ERI1: variants seen among roughly 807,000 people sequenced by gnomAD.
ERI1 encodes the protein 3'-5' exoribonuclease 1.
In ERI1, 39 loss-of-function variants were observed where a neutral mutation model predicts 39.7. That is an observed-to-expected ratio of 0.98 (90% CI 0.76 to 1.28). The LOEUF is 1.28. Among genes scored for constraint, ERI1 ranks in the 50% most tolerant of loss-of-function variants. ERI1 has a pLI of 0.00. For missense variants in ERI1, 581 were observed against 416.9 expected, an observed-to-expected ratio of 1.39 and a Z score of -3.43; for synonymous variants, 204 against 149.6, an observed-to-expected ratio of 1.36 and a Z score of -2.65.
At position 9,050,475 on chromosome 8, in the gene ERI1, C is replaced by G. The variant is rs368038385; in HGVS notation, n.299+30011C>G. Among the ~76,000 whole-genome samples, 156 of 150,160 alleles carry G rather than the reference C, an allele frequency of 1.0e-3. 2 individuals are homozygous for G. The Middle Eastern group carries it at 0.014, about 13-fold the overall frequency. ...TGAGCTGAGACGGTGCCATTACACT[C>G]CAGCCTGGGCAACAAGAGTGAAACT... is the stretch of plus-strand genomic sequence containing the variant. On this transcript the variant is annotated intron_variant and non_coding_transcript_variant, in intron 3 of 3. Transcript: ENST00000518663.
At chr8:9,052,088 A>G (rs961788690) in intron 3 of ERI1, among the ~76,000 whole-genome samples, 4 of 152,242 alleles carry the variant, frequency 2.6e-5, no homozygotes, top group African/African-American at 9.6e-5. Context: ...TTAGTGAATA[A>G]TAACCCTTCA....
At chr8:9,041,491 T>C (rs1261798761) in intron 3 of ERI1, among the ~76,000 whole-genome samples, 1 of 152,190 alleles carries the variant, frequency 6.6e-6, no homozygotes, top group Admixed American at 6.5e-5. Context: ...AAACATCTTA[T>C]CTGACTACAA....
At chr8:9,007,516 G>A (rs976599070) in intron 1 of ERI1, among the ~76,000 whole-genome samples, 2 of 152,200 alleles carry the variant, frequency 1.3e-5, no homozygotes, top group African/African-American at 2.4e-5. Flanking sequence ...TACTGTGGGT[G>A]TAGGGGTCTG....
At chr8:9,055,226 A>T (rs944988837) in intron 3 of ERI1, among the ~76,000 whole-genome samples, 2 of 152,218 alleles carry the variant, frequency 1.3e-5, no homozygotes, top group Non-Finnish European at 2.9e-5. Flanking sequence ...ATTTGAATGC[A>T]ATTTAAACAG....
At chr8:9,045,807 G>T (rs1269631405) in intron 3 of ERI1, among the ~76,000 whole-genome samples, 2 of 151,554 alleles carry the variant, frequency 1.3e-5, no homozygotes, top group Non-Finnish European at 1.5e-5. Context: ...CTCCTGAGTA[G>T]CTGGGATTAC....
At position 9,018,426 on chromosome 8, in the gene ERI1, A is replaced by AT. The variant is rs777282278; in HGVS notation, c.692+27dup. Reference sequence around the variant, plus strand: ...AGATGGGTAAGTATTTAGGAAGATTATTTTTTTATATCTACTTTTTAAAGA... The same window carrying AT: ...AGATGGGTAAGTATTTAGGAAGATTATTTTTTTTATATCTACTTTTTAAAGA... On this transcript the variant is annotated intron_variant, in intron 5 of 6. Coordinates refer to ENST00000250263, the MANE Select transcript of ERI1 (RefSeq NM_153332.4). The AT allele has an allele frequency of 7.6e-6, 10 of 1,310,106 alleles. No individual in the cohort carries two copies. Among genetic ancestry groups the AT allele is most frequent in the Non-Finnish European group, 1.1e-5 (10 of 921,076 alleles). 81.2% of individuals were successfully genotyped at this position (1,310,106 alleles called of 1,614,324 possible).
At position 9,015,318 on chromosome 8, in the gene ERI1, C is replaced by G. The variant is rs181286368; in HGVS notation, c.499-1004C>G. Among the ~76,000 whole-genome samples, 431 of 152,250 alleles carry G rather than the reference C, an allele frequency of 2.8e-3. 2 individuals carry two copies. The highest frequency in any genetic ancestry group is 1.0e-2 in the African/African-American group (414 of 41,538). On this transcript the variant is annotated intron_variant, in intron 3 of 6. Coordinates refer to ENST00000250263, the MANE Select transcript of ERI1 (RefSeq NM_153332.4). ...TTTGTCATTTTCTCTATATCTACTA[C>G]CTAGGATTAACAGTTGCTGCCTTTA...
intron 4 of ERI1, among the ~76,000 whole-genome samples, chr8:9,017,044 A>G (rs957581607): frequency 5.3e-5 from 8 of 150,830 alleles, no homozygotes; most frequent in Non-Finnish European, 7.4e-5. Context: ...TTTATTTTTT[A>G]TTTTTATTTT....
chr8:9,089,262 A>G (rs1043255517), intron 3 of ERI1, among the ~76,000 whole-genome samples: 1 of 152,122 alleles, frequency 6.6e-6, no homozygotes, highest in African/African-American at 2.4e-5. Flanking sequence ...TCTTTAATTT[A>G]TTTAATTTTA....
intron 2 of ERI1, among the ~76,000 whole-genome samples, chr8:9,008,696 C>A (rs1391693434): frequency 6.6e-6 from 1 of 152,082 alleles, no homozygotes; most frequent in African/African-American, 2.4e-5. Flanking sequence ...TATACACATA[C>A]CTAAGTTTTT....
intron 3 of ERI1, among the ~76,000 whole-genome samples, chr8:9,074,434 A>T (rs1799145050): frequency 6.6e-6 from 1 of 151,572 alleles, no homozygotes; most frequent in Non-Finnish European, 1.5e-5. Context: ...CCATATTTTT[A>T]AATTTAAATT....
intron 3 of ERI1, among the ~76,000 whole-genome samples, chr8:9,089,915 A>C (rs917427914): frequency 6.6e-6 from 1 of 151,688 alleles, no homozygotes; most frequent in Non-Finnish European, 1.5e-5. Flanking sequence ...GAACAATGAG[A>C]CAGATTCCCT....
intron 3 of ERI1, among the ~76,000 whole-genome samples, chr8:9,073,117 C>G (rs1189226472): frequency 1.3e-5 from 2 of 152,214 alleles, no homozygotes; most frequent in East Asian, 3.8e-4. Context: ...TGCTGTCAGT[C>G]AGTTTGAATC....
chr8:9,092,372 C>T (rs1308187571), intron 3 of ERI1, among the ~76,000 whole-genome samples: 3 of 152,112 alleles, frequency 2.0e-5, no homozygotes, highest in East Asian at 1.9e-4. Flanking sequence ...AGAATCTTCC[C>T]GTCTACACCA....
intron 3 of ERI1, among the ~76,000 whole-genome samples, chr8:9,042,599 C>T (rs1247215058): frequency 6.6e-6 from 1 of 152,082 alleles, no homozygotes; most frequent in Non-Finnish European, 1.5e-5. Context: ...GGCTTTGTGG[C>T]CCTGGAGGAA....
intron 3 of ERI1, among the ~76,000 whole-genome samples, chr8:9,066,634 T>A (rs1247631247): frequency 6.6e-6 from 1 of 152,218 alleles, no homozygotes; most frequent in Non-Finnish European, 1.5e-5. Flanking sequence ...GAATGTTCAG[T>A]TATGAGTGCC....
chr8:9,035,780 G>A (rs192556622), downstream of ERI1, among the ~76,000 whole-genome samples: 32 of 152,304 alleles, frequency 2.1e-4, no homozygotes, highest in African/African-American at 6.5e-4. Flanking sequence ...GTAGTGATTC[G>A]TCTGATGGAT....
At chr8:9,085,736 G>C (rs940829224) in intron 3 of ERI1, among the ~76,000 whole-genome samples, 1 of 151,968 alleles carries the variant, frequency 6.6e-6, no homozygotes, top group Non-Finnish European at 1.5e-5. Context: ...AGTTAGAGGA[G>C]GAGTCAATAA....
chr8:9,012,373 C>T (rs1478108837), intron 3 of ERI1, among the ~76,000 whole-genome samples: 1 of 152,204 alleles, frequency 6.6e-6, no homozygotes, highest in African/African-American at 2.4e-5. Flanking sequence ...TAAAATAATA[C>T]TGTTTACCTT....
Sources: gnomAD v4.1 joint callset for allele counts (sites outside exome capture counted in the v4.1 genomes callset) on GRCh38, gnomAD v4.1.1 for gene constraint, MANE v1.5 for transcripts, NCBI Gene and HGNC (gene_info 2026-07-23, HGNC 2026-07-21) for gene names.